Variants in USP24 observed in about 807,000 individuals in gnomAD.
USP24 encodes the protein ubiquitin specific peptidase 24.
Under a neutral mutation model 361.6 loss-of-function variants are expected in USP24, and 97 were observed. That is an observed-to-expected ratio of 0.27 (90% CI 0.23 to 0.32). The LOEUF (loss-of-function observed/expected upper bound fraction) is 0.32. Among genes scored for constraint, USP24 ranks in the 10% least tolerant of loss-of-function variants. The pLI, the probability that USP24 is intolerant of heterozygous loss-of-function variation, is 1.00. For missense variants in USP24, 2,353 were observed against 3,165.6 expected (o/e 0.74, Z 6.16); for synonymous variants, 1,098 against 1,124.6 (o/e 0.98, Z 0.47).
intron 64 of USP24, among the ~76,000 whole-genome samples, chr1:55,073,301 T>C (rs1457286590): frequency 6.6e-6 from 1 of 152,162 alleles, no homozygotes; most frequent in Non-Finnish European, 1.5e-5. Flanking sequence ...ACTCTATGAC[T>C]CTAGGCATGT....
At chr1:55,190,943 C>A (rs573089413) in intron 1 of USP24, among the ~76,000 whole-genome samples, 1 of 152,304 alleles carries the variant, frequency 6.6e-6, no homozygotes, top group South Asian at 2.1e-4. Context: ...AGCCATTTGA[C>A]TACTTGAGTC....
chr1:55,143,686 G>A (rs1280765598), intron 21 of USP24, among the ~76,000 whole-genome samples: 2 of 151,452 alleles, frequency 1.3e-5, no homozygotes, highest in South Asian at 2.1e-4. Flanking sequence ...GTACATCCTA[G>A]TTTTCCTGCC....
At chr1:55,081,219 T>A in intron 59 of USP24, 103 bp downstream of exon 59, 1 of 1,180,326 alleles carries the variant, frequency 8.5e-7, no homozygotes, top group Admixed American at 2.2e-5. Flanking sequence ...AACTAGCAAG[T>A]AGTCGAATGA....
intron 38 of USP24, among the ~76,000 whole-genome samples, chr1:55,115,427 C>T (rs1388321192): frequency 1.1e-4 from 14 of 125,900 alleles, no homozygotes; most frequent in Middle Eastern, 4.4e-3. Context: ...ACCTGGGAGG[C>T]GGAGCTTGCA....
chr1:55,204,840 C>T (rs1208796387), intron 1 of USP24, among the ~76,000 whole-genome samples: 5 of 152,178 alleles, frequency 3.3e-5, no homozygotes, highest in Non-Finnish European at 7.3e-5. Context: ...GCTGCTCTGA[C>T]ATTTTCAGTA....
chr1:55,104,863 G>C (rs930097528), intron 41 of USP24, among the ~76,000 whole-genome samples: 1 of 152,186 alleles, frequency 6.6e-6, no homozygotes, highest in Admixed American at 6.5e-5. Context: ...AAAGAATAGG[G>C]AGGTGCCATT....
intron 1 of USP24, among the ~76,000 whole-genome samples, chr1:55,201,065 G>GT (rs1339424269): frequency 6.6e-6 from 1 of 152,184 alleles, no homozygotes; most frequent in African/African-American, 2.4e-5. Context: ...GGTAAACACT[G>GT]TGACAGAAAT....
chr1:55,127,752 T>C (rs143533806), intron 32 of USP24, among the ~76,000 whole-genome samples: 18 of 152,314 alleles, frequency 1.2e-4, no homozygotes, highest in Middle Eastern at 3.4e-3. Context: ...TTTTTAATAA[T>C]TGCCATTCTA....
intron 57 of USP24, 76 bp from the exon 58 acceptor site, chr1:55,083,440 G>A: frequency 7.1e-7 from 1 of 1,406,858 alleles, no homozygotes; most frequent in Non-Finnish European, 9.8e-7. Flanking sequence ...CAGCTAAATG[G>A]AAAGTTTTAA....
intron 1 of USP24, among the ~76,000 whole-genome samples, chr1:55,209,530 T>C (rs1644799852): frequency 6.6e-6 from 1 of 152,350 alleles, no homozygotes; most frequent in East Asian, 1.9e-4. Context: ...TATTGTCAAA[T>C]GAGCTTGTCT....
chr1:55,166,547 A>G (rs1203303860), intron 6 of USP24, 21 bp downstream of exon 6: 6 of 1,576,756 alleles, frequency 3.8e-6, no homozygotes, highest in Non-Finnish European at 5.2e-6. Flanking sequence ...CTACATGACA[A>G]TATTAACAAA....
intron 1 of USP24, among the ~76,000 whole-genome samples, chr1:55,185,903 T>C (rs999750772): frequency 2.6e-5 from 4 of 152,100 alleles, no homozygotes; most frequent in African/African-American, 9.7e-5. Flanking sequence ...CAGAAATAAA[T>C]ATGGTAAGAT....
chr1:55,115,238 G>C (rs1256213462), intron 38 of USP24, among the ~76,000 whole-genome samples: 2 of 151,900 alleles, frequency 1.3e-5, no homozygotes, highest in African/African-American at 4.8e-5. Flanking sequence ...AGGAAACAAG[G>C]CCGGGCGCGG....
At chr1:55,191,096 G>T (rs1409825086) in intron 1 of USP24, among the ~76,000 whole-genome samples, 1 of 152,152 alleles carries the variant, frequency 6.6e-6, no homozygotes, top group African/African-American at 2.4e-5. Context: ...GAAGAGAAAT[G>T]AGCTTGCCAA....
chr1:55,183,454 CTGTAAA>C (rs1305012670), intron 1 of USP24, among the ~76,000 whole-genome samples: 5 of 152,084 alleles, frequency 3.3e-5, no homozygotes, highest in Admixed American at 6.5e-5. Flanking sequence ...GGTTACTTCT[CTGTAAA>C]TGTAAGATAT....
intron 1 of USP24, among the ~76,000 whole-genome samples, chr1:55,197,159 C>T (rs144535823): frequency 6.6e-6 from 1 of 152,324 alleles, no homozygotes; most frequent in East Asian, 1.9e-4. Context: ...GCTTCACCTT[C>T]TTCAGGTCTT....
chr1:55,137,474 G>A (rs1646770362), intron 28 of USP24, 41 bp downstream of exon 28: 1 of 1,592,972 alleles, frequency 6.3e-7, no homozygotes. Context: ...GACAGTGACT[G>A]TTAAGTTCTT....
At chr1:55,089,033 CTCCCAAGTAGCTATAGGTGCCCACA>C (rs928688838) in intron 55 of USP24, among the ~76,000 whole-genome samples, 1 of 151,920 alleles carries the variant, frequency 6.6e-6, no homozygotes, top group African/African-American at 2.4e-5. Context: ...CTGCCTCAGC[CTCCCAAGTAGCTATAGGTGCCCACA>C]ACCACGCCCG....
Position 55,099,905 on chromosome 1 carries a change from G to A in USP24, c.5272-36C>T, listed in dbSNP as rs929461522. 12 of 1,468,334 alleles carry A rather than the reference G, an allele frequency of 8.2e-6. No individual in the cohort carries two copies. The African/African-American group carries it at 1.6e-4, about 19-fold the overall frequency. The allele number at this position is 1,468,334 out of a possible 1,614,324, so 91.0% of individuals were successfully genotyped here. On this transcript the variant is annotated intron_variant, in intron 44 of 67. Coordinates refer to ENST00000294383, the MANE Select transcript of USP24 (RefSeq NM_015306.3). ...AAAATTAAATGTTTTTAAAGGAAAA[G>A]TAGCAATTTCTGAATGTGGTAGAAA...
Sources: gnomAD v4.1 joint callset for allele counts (sites outside exome capture counted in the v4.1 genomes callset) on GRCh38, gnomAD v4.1.1 for gene constraint, MANE v1.5 for transcripts, NCBI Gene and HGNC (gene_info 2026-07-23, HGNC 2026-07-21) for gene names.